Variants in DTNA observed in about 807,000 individuals in gnomAD.
DTNA encodes dystrobrevin alpha, also known as dystrophin-related protein 3.
In DTNA, 43 loss-of-function variants were observed where a neutral mutation model predicts 100.7. That is an observed-to-expected ratio of 0.43 (90% CI 0.33 to 0.55). The LOEUF (loss-of-function observed/expected upper bound fraction) is 0.55. Among genes scored for constraint, DTNA ranks in the 20% least tolerant of loss-of-function variants. DTNA has a pLI of 0.04. For synonymous variants in DTNA, 349 were observed against 347.9 expected (o/e 1.00, Z -0.04); for missense variants, 798 against 953.9 (o/e 0.84, Z 2.15).
chr18:34,879,674 G>A lies in DTNA; in HGVS notation c.2117G>A (p.Gly706Glu), dbSNP rs150410546. The A allele has an allele frequency of 1.1e-5, 17 of 1,614,036 alleles. No homozygotes were observed. In the African/African-American group the frequency reaches 2.3e-4, roughly 22 times the overall value. The change falls in exon 20 of 23, where the codon GGG becomes GAG. Residue 706 changes from glycine to glutamate, a missense_variant. By Grantham distance (98) the Gly-to-Glu change is moderately conservative. Coordinates refer to ENST00000444659, the MANE Select transcript of DTNA (RefSeq NM_001386795.1). ...GCGCAAATCCATGCCCGAAAACCTG[G>A]GTACATTCACAGTGGAGCTACCACA... ...FLAQIHARKP[G>E]YIHSGATTST...
At chr18:34,577,445 T>A (rs1199996459) in intron 1 of DTNA, among the ~76,000 whole-genome samples, 5 of 152,252 alleles carry the variant, frequency 3.3e-5, no homozygotes, top group Admixed American at 1.3e-4. Context: ...TTACAAAATT[T>A]ATTTTTAATT....
rs931285272 is a variant in DTNA, at chr18:34,891,839, G to A, written c.*4105G>A. On this transcript the variant is annotated 3_prime_UTR_variant, in exon 23 of 23. Coordinates refer to ENST00000444659, the MANE Select transcript of DTNA (RefSeq NM_001386795.1). ...GTTGAATTACTGAATAAATGAATTA[G>A]TGGTGTTTGGTTTGTTTTTTTTTCT... The A allele has an allele frequency of 2.6e-5, 4 of 151,812 alleles. No homozygotes were observed. The highest frequency in any genetic ancestry group is 9.7e-5 in the African/African-American group (4 of 41,264). 9.4% of individuals were successfully genotyped at this position (151,812 alleles called of 1,614,324 possible). A position where few individuals can be genotyped will look rare whatever the true frequency, so the allele number is the denominator to read the frequency against.
intron 1 of DTNA, among the ~76,000 whole-genome samples, chr18:34,642,048 T>C (rs1341531179): frequency 1.3e-5 from 2 of 152,202 alleles, no homozygotes; most frequent in African/African-American, 4.8e-5. Context: ...ACTTTATAGC[T>C]GCCTTTCAAT....
intron 1 of DTNA, among the ~76,000 whole-genome samples, chr18:34,747,373 C>A (rs72953294): frequency 0.051 from 7,778 of 151,692 alleles, 314 homozygotes; most frequent in Non-Finnish European, 0.08. Flanking sequence ...GTTTTGGGGG[C>A]TATAGGTGGT....
chr18:34,647,864 T>C (rs975589603), intron 1 of DTNA, among the ~76,000 whole-genome samples: 9 of 152,226 alleles, frequency 5.9e-5, no homozygotes, highest in African/African-American at 2.2e-4. Flanking sequence ...CAGTAGGTGC[T>C]CAGCAATAGT....
intron 1 of DTNA, among the ~76,000 whole-genome samples, chr18:34,684,932 C>T (rs189086033): frequency 7.3e-4 from 111 of 152,142 alleles, no homozygotes; most frequent in African/African-American, 2.4e-3. Context: ...GTTTTTTGGC[C>T]GCATAAATGT....
chr18:34,640,423 CTTG>C (rs1336543190), intron 1 of DTNA, among the ~76,000 whole-genome samples: 3 of 152,182 alleles, frequency 2.0e-5, no homozygotes, highest in African/African-American at 7.2e-5. Context: ...ATAGCTGACC[CTTG>C]TTGTCCTTCC....
At chr18:34,865,106 A>G (rs147982670) in intron 17 of DTNA, among the ~76,000 whole-genome samples, 296 of 152,356 alleles carry the variant, frequency 1.9e-3, no homozygotes, top group African/African-American at 6.6e-3. Flanking sequence ...AAAGGCAGGA[A>G]GTGAAACTTC....
intron 1 of DTNA, among the ~76,000 whole-genome samples, chr18:34,572,313 G>A (rs1439394809): frequency 2.6e-5 from 4 of 152,098 alleles, no homozygotes; most frequent in Non-Finnish European, 4.4e-5. Context: ...TGTAGAAAAT[G>A]TGTATTAAAT....
chr18:34,755,263 A>AT (rs2092695678), intron 1 of DTNA, among the ~76,000 whole-genome samples: 1 of 152,118 alleles, frequency 6.6e-6, no homozygotes, highest in South Asian at 2.1e-4. Flanking sequence ...GCTGAAGTTT[A>AT]TTTTTTCTAT....
chr18:34,863,888 A>G lies in DTNA; in HGVS notation c.1647-78A>G, dbSNP rs762962500. ...AGAGATGCCCTTTTTCTGACAGTCC[A>G]CAAGTCCCTCAAGAATGGAAATGTG... On this transcript the variant is annotated intron_variant, in intron 16 of 22. Coordinates refer to ENST00000444659, the MANE Select transcript of DTNA (RefSeq NM_001386795.1). 15 of 1,429,264 alleles carry G rather than the reference A, an allele frequency of 1.0e-5. 1 individual carries two copies. In the South Asian group the frequency reaches 1.6e-4, roughly 15 times the overall value. The allele number at this position is 1,429,264 out of a possible 1,614,324, so 88.5% of individuals were successfully genotyped here.
intron 1 of DTNA, among the ~76,000 whole-genome samples, chr18:34,593,761 A>G (rs1220399246): frequency 1.3e-5 from 2 of 152,170 alleles, no homozygotes; most frequent in Admixed American, 6.5e-5. Context: ...TTTTGACTTT[A>G]TCCTTATTTG....
chr18:34,725,992 A>G (rs1182595009), intron 1 of DTNA, among the ~76,000 whole-genome samples: 1 of 152,194 alleles, frequency 6.6e-6, no homozygotes, highest in Non-Finnish European at 1.5e-5. Flanking sequence ...GCAACGTAAC[A>G]GAAGAAGAGA....
Position 34,890,169 on chromosome 18 carries a change from A to C in DTNA, c.*2435A>C. On this transcript the variant is annotated 3_prime_UTR_variant, in exon 23 of 23. Transcript: ENST00000444659. ...TCTGCTGATAACCTTCCCCGTTGTC[A>C]TAGCTATTTCATTGCCAACCAACTC... 6.9e-7 allele frequency: 1 copy of C among 1,440,468 alleles called. No homozygotes were observed. The highest frequency in any genetic ancestry group is 9.1e-7 in the Non-Finnish European group (1 of 1,103,198). The allele number at this position is 1,440,468 out of a possible 1,614,324, so 89.2% of individuals were successfully genotyped here. A position where few individuals can be genotyped will look rare whatever the true frequency, so the allele number is the denominator to read the frequency against.
At position 34,726,038 on chromosome 18, in the gene DTNA, A is replaced by G. The variant is rs547340392; in HGVS notation, c.-2+15593A>G. ...CTGCATGTTCTCACTCATAAGTGGT[A>G]GTTGAACAATGAGAACACATGGACA... On this transcript the variant is annotated intron_variant, in intron 1 of 22. Transcript: ENST00000444659. Among the ~76,000 whole-genome samples, 4 of 152,318 alleles carry G rather than the reference A, an allele frequency of 2.6e-5. No individual in the cohort carries two copies. The South Asian group carries it at 6.2e-4, about 24-fold the overall frequency.
chr18:34,557,491 T>C lies in DTNA; in HGVS notation c.-2+63977T>C, dbSNP rs182878157. Among the ~76,000 whole-genome samples, 1,011 of 152,004 alleles carry C rather than the reference T, an allele frequency of 6.7e-3. 7 individuals are homozygous for C. The highest frequency in any genetic ancestry group is 0.011 in the Non-Finnish European group (757 of 67,912). On this transcript the variant is annotated intron_variant, in intron 1 of 19. Coordinates refer to the DTNA transcript ENST00000283365. ...TTTCTGTTCTGTTTTTTCCCCATCT[T>C]TGTGGTTTTATCTACTTTTGGTCTT...
At chr18:34,639,002 C>T (rs889671018) in intron 1 of DTNA, among the ~76,000 whole-genome samples, 12 of 152,068 alleles carry the variant, frequency 7.9e-5, no homozygotes, top group South Asian at 4.2e-4. Flanking sequence ...CCACCATGTC[C>T]GGCTAATTTT....
At chr18:34,870,207 G>A (rs1194065892) in intron 17 of DTNA, among the ~76,000 whole-genome samples, 2 of 150,252 alleles carry the variant, frequency 1.3e-5, no homozygotes, top group South Asian at 4.2e-4. Context: ...ACTTGGTGGG[G>A]AAAAAAAGTC....
intron 1 of DTNA, among the ~76,000 whole-genome samples, chr18:34,670,058 GTA>G (rs2076528056): frequency 6.6e-6 from 1 of 152,142 alleles, no homozygotes; most frequent in South Asian, 2.1e-4. Flanking sequence ...TCACTTTCAG[GTA>G]TACCAACCAG....
Sources: allele counts gnomAD v4.1 joint callset (sites outside exome capture counted in the v4.1 genomes callset), GRCh38; gene constraint gnomAD v4.1.1; transcripts MANE v1.5; gene names NCBI Gene and HGNC (gene_info 2026-07-23, HGNC 2026-07-21).